MSRA: variants seen among roughly 807,000 people sequenced by gnomAD.
MSRA encodes the protein methionine sulfoxide reductase A.
MSRA carries 54 observed loss-of-function variants against 31.3 expected under a neutral mutation model. That is an observed-to-expected ratio of 1.73 (90% CI 1.39 to 2.17). MSRA has a LOEUF of 2.17. MSRA is among the 30% of genes most tolerant of loss of function. The pLI, the probability that MSRA is intolerant of heterozygous loss-of-function variation, is 0.00. For synonymous variants in MSRA, 169 were observed against 116.5 expected (o/e 1.45, Z -2.90); for missense variants, 507 against 300.9 (o/e 1.69, Z -5.07).
intron 1 of MSRA, among the ~76,000 whole-genome samples, chr8:10,161,068 C>T (rs1403499541): frequency 2.0e-5 from 3 of 152,140 alleles, no homozygotes; most frequent in African/African-American, 4.8e-5. Flanking sequence ...ATTACAGTGT[C>T]AGATTATGAA....
At chr8:10,174,501 C>T (rs1326704839) in intron 1 of MSRA, among the ~76,000 whole-genome samples, 1 of 152,040 alleles carries the variant, frequency 6.6e-6, no homozygotes, top group Non-Finnish European at 1.5e-5. Context: ...CCACTGGAGG[C>T]CTCTTCTCCC....
At chr8:10,401,329 G>A (rs141213146) in intron 5 of MSRA, among the ~76,000 whole-genome samples, 35 of 152,288 alleles carry the variant, frequency 2.3e-4, no homozygotes, top group African/African-American at 7.9e-4. Flanking sequence ...GAGTCACTGA[G>A]GCAATGCAAA....
intron 2 of MSRA, among the ~76,000 whole-genome samples, chr8:10,233,505 A>G (rs1442352771): frequency 6.6e-6 from 1 of 152,262 alleles, no homozygotes; most frequent in East Asian, 1.9e-4. Flanking sequence ...TAGGCAAAAT[A>G]AAAGAACTAA....
intron 1 of MSRA, among the ~76,000 whole-genome samples, chr8:10,196,547 A>G (rs1358600559): frequency 3.3e-5 from 5 of 152,006 alleles, no homozygotes; most frequent in East Asian, 1.9e-4. Flanking sequence ...TAAAAAATGT[A>G]TTTATTTATT....
chr8:10,249,012 A>G (rs940906916), intron 3 of MSRA, among the ~76,000 whole-genome samples: 7 of 152,170 alleles, frequency 4.6e-5, no homozygotes, highest in African/African-American at 1.7e-4. Context: ...TAAAAGGAGC[A>G]TAGGTCCTCA....
In MSRA at chr8:10,130,560, G is replaced by A. The variant is rs1484093855; in HGVS notation, c.142+75902G>A. Among the ~76,000 whole-genome samples, 3 of 152,260 alleles carry A rather than the reference G, an allele frequency of 2.0e-5. No individual in the cohort carries two copies. The East Asian group carries it at 5.8e-4, about 29-fold the overall frequency. ...TGGGAAGCTATTAGACAAAAATTGT[G>A]TAGGCTTTGTGGACAAGACATTTCG... is the stretch of plus-strand genomic sequence containing the variant. On this transcript the variant is annotated intron_variant, in intron 1 of 5. Transcript: ENST00000317173.
chr8:10,314,153 A>G (rs759616948), intron 4 of MSRA, among the ~76,000 whole-genome samples: 2 of 152,232 alleles, frequency 1.3e-5, no homozygotes, highest in African/African-American at 4.8e-5. Flanking sequence ...AAATTTAACT[A>G]TATCAAAATC....
At chr8:10,077,912 G>A (rs1156621680) in intron 1 of MSRA, among the ~76,000 whole-genome samples, 2 of 152,078 alleles carry the variant, frequency 1.3e-5, no homozygotes, top group Non-Finnish European at 2.9e-5. Flanking sequence ...ATTTATATAT[G>A]TCAAGATGTA....
chr8:10,366,795 A>G (rs1482321839), intron 5 of MSRA, among the ~76,000 whole-genome samples: 2 of 152,048 alleles, frequency 1.3e-5, no homozygotes, highest in Non-Finnish European at 2.9e-5. Flanking sequence ...AGCTAATATC[A>G]TGAGTGAATC....
chr8:10,213,361 A>G (rs985563665), intron 2 of MSRA, among the ~76,000 whole-genome samples: 10 of 147,892 alleles, frequency 6.8e-5, no homozygotes, highest in Non-Finnish European at 1.5e-4. Context: ...ATGTTGCACT[A>G]TGCACTATGA....
At chr8:10,358,380 A>C (rs1263974691) in intron 5 of MSRA, among the ~76,000 whole-genome samples, 1 of 152,104 alleles carries the variant, frequency 6.6e-6, no homozygotes, top group South Asian at 2.1e-4. Context: ...TAATCCCTCT[A>C]TTCTCTTGTT....
intron 5 of MSRA, among the ~76,000 whole-genome samples, chr8:10,405,105 A>C (rs1333941664): frequency 6.6e-6 from 1 of 152,156 alleles, no homozygotes; most frequent in Non-Finnish European, 1.5e-5. Flanking sequence ...TGTCCATGAG[A>C]GCCCAAGTGC....
chr8:10,369,938 T>C (rs1268603507), intron 5 of MSRA, among the ~76,000 whole-genome samples: 2 of 152,268 alleles, frequency 1.3e-5, no homozygotes, highest in Non-Finnish European at 2.9e-5. Context: ...AGTTCATAAC[T>C]AACCACAAGT....
intron 1 of MSRA, among the ~76,000 whole-genome samples, chr8:10,128,196 G>T (rs112100178): frequency 0.026 from 3,940 of 152,128 alleles, 134 homozygotes; most frequent in South Asian, 0.089. Flanking sequence ...TGGCCAACAT[G>T]ATGAAACCCC....
At chr8:10,218,212 T>C (rs1312294934) in intron 2 of MSRA, among the ~76,000 whole-genome samples, 1 of 151,852 alleles carries the variant, frequency 6.6e-6, no homozygotes, top group Non-Finnish European at 1.5e-5. Flanking sequence ...AGTGGTGCGG[T>C]CTTGGCTCAC....
intron 1 of MSRA, among the ~76,000 whole-genome samples, chr8:10,066,376 C>T (rs1046812473): frequency 2.0e-5 from 3 of 152,158 alleles, no homozygotes; most frequent in East Asian, 3.8e-4. Flanking sequence ...TGTTCAGACC[C>T]GAGAAAGCAT....
intron 1 of MSRA, among the ~76,000 whole-genome samples, chr8:10,114,867 G>A (rs940740422): frequency 3.9e-5 from 6 of 152,188 alleles, no homozygotes; most frequent in African/African-American, 1.4e-4. Flanking sequence ...TGAAAAATTT[G>A]TGAAGGATTT....
At chr8:10,381,067 ATGGATTG>A (rs1043553515) in intron 5 of MSRA, among the ~76,000 whole-genome samples, 1 of 152,258 alleles carries the variant, frequency 6.6e-6, no homozygotes, top group Admixed American at 6.5e-5. Flanking sequence ...GGGTGGAGAG[ATGGATTG>A]ATGGATATCC....
chr8:10,410,865 C>G (rs1371105691), intron 5 of MSRA, among the ~76,000 whole-genome samples: 1 of 152,188 alleles, frequency 6.6e-6, no homozygotes. Flanking sequence ...AGCTTATGTT[C>G]TTGAGGGAGT....
Sources: gnomAD v4.1 joint callset for allele counts (sites outside exome capture counted in the v4.1 genomes callset) on GRCh38, gnomAD v4.1.1 for gene constraint, MANE v1.5 for transcripts, NCBI Gene and HGNC (gene_info 2026-07-23, HGNC 2026-07-21) for gene names.